ZBTB46: variants seen among roughly 807,000 people sequenced by gnomAD.
ZBTB46 encodes the protein zinc finger and BTB domain-containing protein 46.
In ZBTB46, 8 loss-of-function variants were observed where a neutral mutation model predicts 44.1. That is an observed-to-expected ratio of 0.18 (90% confidence interval 0.11 to 0.33). ZBTB46 has a LOEUF of 0.33. ZBTB46 is among the 10% of genes least tolerant of loss of function. The pLI, the probability that ZBTB46 is intolerant of heterozygous loss-of-function variation, is 1.00. For missense variants in ZBTB46, 651 were observed against 847.7 expected, an observed-to-expected ratio of 0.77 and a Z score of 2.88; for synonymous variants, 409 against 382.3, an observed-to-expected ratio of 1.07 and a Z score of -0.81.
At chr20:63,804,896 AAAC>A (rs754525343) in intron 1 of ZBTB46, among the ~76,000 whole-genome samples, 156 of 151,556 alleles carry the variant, frequency 1.0e-3, no homozygotes, top group Middle Eastern at 3.5e-3. Flanking sequence ...CGTCTCAAAA[AAAC>A]AACAACAAAA....
intron 2 of ZBTB46, among the ~76,000 whole-genome samples, chr20:63,782,086 C>CAAAAAA (rs66508825): frequency 8.5e-5 from 4 of 46,890 alleles, no homozygotes; most frequent in South Asian, 7.7e-4. Flanking sequence ...GACTCCGTCT[C>CAAAAAA]AAAAAAAAAA....
chr20:63,761,850 A>G (rs1010979018), intron 3 of ZBTB46, among the ~76,000 whole-genome samples: 4 of 151,810 alleles, frequency 2.6e-5, no homozygotes, highest in African/African-American at 9.7e-5. Context: ...GTGTAAACGT[A>G]TACTATTTGA....
intron 3 of ZBTB46, among the ~76,000 whole-genome samples, chr20:63,774,699 TTTTTTTTTTTG>T (rs1381020563): frequency 7.1e-4 from 4 of 5,666 alleles, no homozygotes; most frequent in South Asian, 0.012. Flanking sequence ...GTTTTTTTTG[TTTTTTTTTTTG>T]TTTTTTTTTT....
rs1265870107 is a variant in ZBTB46, at chr20:63,744,194, T to C, written c.*2736A>G. 2.0e-5 allele frequency: 3 copies of C among 152,330 alleles called. No homozygotes were observed. The highest frequency in any genetic ancestry group is 4.4e-5 in the Non-Finnish European group (3 of 68,030). 9.4% of individuals were successfully genotyped at this position (152,330 alleles called of 1,614,324 possible). A position where few individuals can be genotyped will look rare whatever the true frequency, so the allele number is the denominator to read the frequency against. ...ATGAGCTAAAATAAGATTACTTCTT[T>C]TATAATATTGCAAAAAGTTCCAGTT... is the stretch of plus-strand genomic sequence containing the variant. On this transcript the variant is annotated 3_prime_UTR_variant, in exon 5 of 5. Coordinates refer to ENST00000245663, the MANE Select transcript of ZBTB46 (RefSeq NM_001369741.1).
chr20:63,809,838 C>G (rs2092707626), intron 1 of ZBTB46, among the ~76,000 whole-genome samples: 1 of 151,946 alleles, frequency 6.6e-6, no homozygotes, highest in Non-Finnish European at 1.5e-5. Context: ...TGGTGCACAC[C>G]TGTAGTCCCC....
intron 2 of ZBTB46, among the ~76,000 whole-genome samples, chr20:63,782,086 C>CAA (rs66508825): frequency 4.3e-4 from 20 of 46,888 alleles, no homozygotes; most frequent in South Asian, 7.7e-4. Flanking sequence ...GACTCCGTCT[C>CAA]AAAAAAAAAA....
At chr20:63,783,283 G>A (rs1266890473) in intron 2 of ZBTB46, among the ~76,000 whole-genome samples, 1 of 152,126 alleles carries the variant, frequency 6.6e-6, no homozygotes, top group Non-Finnish European at 1.5e-5. Flanking sequence ...CAAAATATCA[G>A]CTGGGCGTGG....
intron 1 of ZBTB46, among the ~76,000 whole-genome samples, chr20:63,800,657 C>A (rs748993159): frequency 2.0e-5 from 3 of 152,198 alleles, no homozygotes; most frequent in Non-Finnish European, 4.4e-5. Flanking sequence ...ACACTCGGAG[C>A]GGCCCAGGGC....
At chr20:63,760,326 T>A (rs2092261998) in intron 3 of ZBTB46, among the ~76,000 whole-genome samples, 1 of 152,258 alleles carries the variant, frequency 6.6e-6, no homozygotes, top group African/African-American at 2.4e-5. Flanking sequence ...TCTTCCTGTT[T>A]GCTCCAGTTT....
chr20:63,789,423 A>G lies in ZBTB46; in HGVS notation c.937+398T>C, dbSNP rs76358484. ...AGCGGCCAGTCGAGTTACCCCAGTCAGGGCTCATGGGAGGGTCCCACAGGC... is the reference window on the plus strand; with the variant it reads ...AGCGGCCAGTCGAGTTACCCCAGTCGGGGCTCATGGGAGGGTCCCACAGGC... On this transcript the variant is annotated intron_variant, in intron 2 of 4. Coordinates refer to ENST00000245663, the MANE Select transcript of ZBTB46 (RefSeq NM_001369741.1). 4.1e-3 allele frequency among the ~76,000 whole-genome samples: 626 copies of G among 152,334 alleles called. 5 individuals carry two copies. The highest frequency in any genetic ancestry group is 0.014 in the African/African-American group (600 of 41,590).
At chr20:63,779,198 CAA>C (rs58429504) in intron 2 of ZBTB46, among the ~76,000 whole-genome samples, 2 of 151,254 alleles carry the variant, frequency 1.3e-5, no homozygotes, top group Non-Finnish European at 2.9e-5. Context: ...TAACAGGCTT[CAA>C]AAAAAATCAC....
At chr20:63,792,987 G>A (rs1485684453) in intron 1 of ZBTB46, among the ~76,000 whole-genome samples, 4 of 152,146 alleles carry the variant, frequency 2.6e-5, no homozygotes, top group Non-Finnish European at 4.4e-5. Flanking sequence ...GTTGCCTGCC[G>A]GGAGACGCGC....
At chr20:63,808,931 G>C (rs1197408543) in intron 1 of ZBTB46, among the ~76,000 whole-genome samples, 3 of 146,060 alleles carry the variant, frequency 2.1e-5, no homozygotes, top group Admixed American at 1.4e-4. Flanking sequence ...GAGCCGAGAT[G>C]GCGCCACTGC....
intron 2 of ZBTB46, among the ~76,000 whole-genome samples, chr20:63,776,243 C>T (rs1385197015): frequency 2.0e-5 from 3 of 152,218 alleles, no homozygotes; most frequent in Non-Finnish European, 4.4e-5. Context: ...CCTCCCTGGA[C>T]GAGGCGCTGC....
rs1163367054 is a variant in ZBTB46 at position 63,752,879 on chromosome 20, G to T, written c.1223-18C>A. The T allele has an allele frequency of 6.3e-7, 1 of 1,584,382 alleles. No homozygotes were observed. The highest frequency in any genetic ancestry group is 1.1e-5 in the South Asian group (1 of 89,382). ...CTCATTCACTGAAAGAGAGGGACCC[G>T]CGAGGCGTCAGCAGGGCTTGGGATG... On this transcript the variant is annotated intron_variant, in intron 3 of 4. Coordinates refer to ENST00000245663, the MANE Select transcript of ZBTB46 (RefSeq NM_001369741.1). The surrounding 1 kb of genome is among the most constrained non-coding windows in gnomAD (Gnocchi z 5.6).
intron 1 of ZBTB46, among the ~76,000 whole-genome samples, chr20:63,827,468 C>A (rs922601026): frequency 1.3e-5 from 2 of 151,630 alleles, no homozygotes; most frequent in Non-Finnish European, 2.9e-5. Flanking sequence ...ATTAGCCGGG[C>A]GCGGTGGCGG....
chr20:63,808,976 C>CAAAAAAAAAAAAAAAAAAA (rs1157399042), intron 1 of ZBTB46, among the ~76,000 whole-genome samples: 15 of 75,108 alleles, frequency 2.0e-4, no homozygotes, highest in South Asian at 5.3e-4. Context: ...GACTCCGCTT[C>CAAAAAAAAAAAAAAAAAAA]AAAAAAAAAA....
intron 2 of ZBTB46, among the ~76,000 whole-genome samples, chr20:63,784,866 G>A (rs950917064): frequency 6.6e-6 from 1 of 152,190 alleles, no homozygotes; most frequent in Non-Finnish European, 1.5e-5. Flanking sequence ...ACCAGGGGCC[G>A]GGATGATGCA....
At chr20:63,775,557 T>A in intron 3 of ZBTB46, 121 bp downstream of exon 3, 3 of 1,328,920 alleles carry the variant, frequency 2.3e-6, no homozygotes, top group South Asian at 1.5e-5. Context: ...AACAGGGAGG[T>A]CAGCAGGCGG....
Sources: allele counts gnomAD v4.1 joint callset (sites outside exome capture counted in the v4.1 genomes callset), GRCh38; gene constraint gnomAD v4.1.1; non-coding constraint Gnocchi (gnomAD v3.1); transcripts MANE v1.5; gene names NCBI Gene and HGNC (gene_info 2026-07-23, HGNC 2026-07-21).